VCL: variants seen among roughly 807,000 people sequenced by gnomAD.
The protein encoded by VCL is vinculin.
Under a neutral mutation model 125.7 loss-of-function variants are expected in VCL, and 47 were observed. The observed-to-expected ratio is 0.37, with a 90% CI of 0.30 to 0.48. The LOEUF (loss-of-function observed/expected upper bound fraction) is 0.48, where lower values mean the gene tolerates loss of function less well. VCL is among the 20% of genes least tolerant of loss of function. The pLI is 0.99. For synonymous variants in VCL, 458 were observed against 514.6 expected (o/e 0.89, Z 1.49); for missense variants, 1,069 against 1,455.5 (o/e 0.73, Z 4.32).
chr10:74,066,637 G>A (rs1046002707), intron 2 of VCL, among the ~76,000 whole-genome samples: 1 of 151,538 alleles, frequency 6.6e-6, no homozygotes, highest in East Asian at 1.9e-4. Flanking sequence ...TGGTTAAGGT[G>A]GGGTTCTAAA....
intron 2 of VCL, among the ~76,000 whole-genome samples, chr10:74,067,791 G>C (rs978074945): frequency 6.6e-6 from 1 of 152,212 alleles, no homozygotes; most frequent in African/African-American, 2.4e-5. Context: ...GGCAAATCCA[G>C]TGAGACAGAA....
intron 20 of VCL, 21 bp downstream of exon 20, chr10:74,114,408 CGTGTGTGTGTGTGT>C (rs3037359): frequency 1.4e-6 from 2 of 1,451,322 alleles, no homozygotes; most frequent in African/African-American, 1.5e-5. Context: ...AAAGAGGCTG[CGTGTGTGTGTGTGT>C]GTGTGTGTGT....
At chr10:74,068,237 G>A (rs916422885) in intron 2 of VCL, among the ~76,000 whole-genome samples, 16 of 152,150 alleles carry the variant, frequency 1.1e-4, no homozygotes, top group African/African-American at 3.9e-4. Flanking sequence ...CATCACAGCA[G>A]GCTAATAACT....
rs1253646161 is a variant in VCL at position 73,998,202 on chromosome 10, G to T, written c.-6G>T. On this transcript the variant is annotated 5_prime_UTR_variant, in exon 1 of 22. Coordinates refer to ENST00000211998, the MANE Select transcript of VCL (RefSeq NM_014000.3). Reference sequence around the variant, plus strand: ...CCCGCGGTTCGCCGCCCCGCTCGCCGCCGCGATGCCAGTGTTTCATACGCG... The same window carrying T: ...CCCGCGGTTCGCCGCCCCGCTCGCCTCCGCGATGCCAGTGTTTCATACGCG... 3 of 1,611,360 alleles carry T rather than the reference G, an allele frequency of 1.9e-6. No individual in the cohort carries two copies. Among genetic ancestry groups the T allele is most frequent in the Admixed American group, 3.3e-5 (2 of 59,880 alleles).
Position 74,062,558 on chromosome 10 carries a change from A to G in VCL, c.240-8112A>G, listed in dbSNP as rs112906474. On this transcript the variant is annotated intron_variant, in intron 2 of 21. Transcript: ENST00000211998. ...GTTATGACCATTTTAATGTTCTTAT[A>G]TACTGATTCTGTCATCTTTGTCATT... Among the ~76,000 whole-genome samples, 68 of 152,116 alleles carry G rather than the reference A, an allele frequency of 4.5e-4. 1 individual carries two copies. Among genetic ancestry groups the G allele is most frequent in the African/African-American group, 1.3e-3 (55 of 41,492 alleles).
chr10:74,082,240 A>C (rs1278231410), intron 6 of VCL, among the ~76,000 whole-genome samples: 1 of 152,236 alleles, frequency 6.6e-6, no homozygotes, highest in East Asian at 1.9e-4. Flanking sequence ...CACTCTGTTT[A>C]GCAACAGAGT....
intron 1 of VCL, among the ~76,000 whole-genome samples, chr10:74,019,522 G>A (rs1840621753): frequency 6.6e-6 from 1 of 152,042 alleles, no homozygotes; most frequent in Non-Finnish European, 1.5e-5. Context: ...AAGATAGATT[G>A]GAGCGCTGGT....
chr10:74,104,086 C>T (rs762220567), intron 15 of VCL, among the ~76,000 whole-genome samples, 158 bp downstream of exon 15: 2 of 152,192 alleles, frequency 1.3e-5, no homozygotes, highest in South Asian at 2.1e-4. Context: ...TGAGCAGTGG[C>T]GGCTTCTCAT....
rs958070729 is a variant in VCL at position 74,089,107 on chromosome 10, A to G, written c.1023-89A>G. On this transcript the variant is annotated intron_variant, in intron 8 of 21. Coordinates refer to ENST00000211998, the MANE Select transcript of VCL (RefSeq NM_014000.3). ...AAAAAGGAAAAAGCCAAGCATGTTC[A>G]TGAAAACCACATGTACTGTGCTATT... 6.3e-6 allele frequency: 10 copies of G among 1,579,114 alleles called. No homozygotes were observed. In the East Asian group the frequency reaches 2.0e-4, roughly 32 times the overall value.
intron 1 of VCL, among the ~76,000 whole-genome samples, chr10:74,041,859 C>T (rs759383750): frequency 4.6e-5 from 7 of 152,180 alleles, no homozygotes; most frequent in African/African-American, 9.7e-5. Flanking sequence ...GCTGAGACTG[C>T]GTCTCTGCAC....
intron 1 of VCL, among the ~76,000 whole-genome samples, chr10:74,034,998 G>A (rs1011329021): frequency 6.6e-6 from 1 of 152,172 alleles, no homozygotes; most frequent in Non-Finnish European, 1.5e-5. Context: ...ACAGGCAAAT[G>A]GGTACACATT....
intron 5 of VCL, among the ~76,000 whole-genome samples, chr10:74,074,140 G>C (rs1839539174): frequency 6.6e-6 from 1 of 152,230 alleles, no homozygotes; most frequent in South Asian, 2.1e-4. Context: ...GGAGGTTGAG[G>C]CAGGAGAATT....
At chr10:74,114,090 G>A in intron 19 of VCL, 94 bp from the exon 20 acceptor site, 1 of 1,464,698 alleles carries the variant, frequency 6.8e-7, no homozygotes, top group East Asian at 2.3e-5. Flanking sequence ...ATGCTAAGGT[G>A]GCAAGCTCCC....
chr10:74,094,298 A>G lies in VCL; in HGVS notation c.1380A>G (p.Arg460=). 1 of 1,614,174 alleles carries G rather than the reference A, an allele frequency of 6.2e-7. No individual in the cohort carries two copies. The highest frequency in any genetic ancestry group is 8.5e-7 in the Non-Finnish European group (1 of 1,180,024). The change falls in exon 11 of 22, where the codon CGA becomes CGG. Residue 460 remains arginine (R), a synonymous_variant. Coordinates refer to ENST00000211998, the MANE Select transcript of VCL (RefSeq NM_014000.3). ...GGAAAGGAGATTCTCCAGAGGCTCG[A>G]GCCTTGGCCAAACAGGTGGCCACGG... ...RQGKGDSPEA[R]ALAKQVATAL...
At chr10:74,110,346 T>C (rs1463131922) in intron 18 of VCL, among the ~76,000 whole-genome samples, 1 of 152,250 alleles carries the variant, frequency 6.6e-6, no homozygotes, top group Non-Finnish European at 1.5e-5. Flanking sequence ...CAGACAGCAT[T>C]GGCCCACATT....
intron 2 of VCL, among the ~76,000 whole-genome samples, chr10:74,050,460 A>C (rs942635501): frequency 3.3e-5 from 5 of 152,330 alleles, no homozygotes; most frequent in Admixed American, 6.5e-5. Context: ...ATGCACAAAG[A>C]AGAAATTTGA....
intron 7 of VCL, among the ~76,000 whole-genome samples, chr10:74,082,753 C>T (rs1441100787): frequency 6.6e-6 from 1 of 152,180 alleles, no homozygotes; most frequent in Non-Finnish European, 1.5e-5. Context: ...CCTCTAATCA[C>T]GGAGGAGTAA....
chr10:74,090,166 T>C lies in VCL; in HGVS notation c.1320T>C (p.Ala440=). The change falls in exon 10 of 22, where the codon GCT becomes GCC. Residue 440 remains alanine (A), a synonymous_variant. Coordinates refer to ENST00000211998, the MANE Select transcript of VCL (RefSeq NM_014000.3). ...DILRSLGEIS[A]LTSKLADLRR... is the part of the protein sequence containing the mutation. Reference sequence around the variant, plus strand: ...TACGTTCCCTTGGGGAAATATCTGCTCTGACTTCTAAATTAGCAGATCTAC... The same window carrying C: ...TACGTTCCCTTGGGGAAATATCTGCCCTGACTTCTAAATTAGCAGATCTAC... The C allele has an allele frequency of 1.9e-6, 3 of 1,614,226 alleles. No homozygotes were observed. The highest frequency in any genetic ancestry group is 1.1e-5 in the South Asian group (1 of 91,088).
chr10:74,012,304 A>G (rs1371347614), intron 1 of VCL, among the ~76,000 whole-genome samples: 1 of 152,192 alleles, frequency 6.6e-6, no homozygotes, highest in East Asian at 1.9e-4. Context: ...GTAGATCAGC[A>G]ACACTTAAAT....
Sources: allele counts gnomAD v4.1 joint callset (sites outside exome capture counted in the v4.1 genomes callset), GRCh38; gene constraint gnomAD v4.1.1; transcripts MANE v1.5; gene names NCBI Gene and HGNC (gene_info 2026-07-23, HGNC 2026-07-21).